Variants in ERC2 observed in about 807,000 individuals in gnomAD.
ERC2 encodes the protein ELKS/RAB6-interacting/CAST family member 2.
Under a neutral mutation model 114.8 loss-of-function variants are expected in ERC2, and 42 were observed. That is an observed-to-expected ratio of 0.37 (90% CI 0.29 to 0.47). ERC2 has a LOEUF of 0.47. Ranked by LOEUF, ERC2 falls within the 20% of genes least tolerant of loss-of-function variation. The pLI, the probability that ERC2 is intolerant of heterozygous loss-of-function variation, is 0.99. For missense variants in ERC2, 939 were observed against 1,150.7 expected (o/e 0.82, Z 2.66); for synonymous variants, 454 against 425.5 (o/e 1.07, Z -0.82).
In ERC2 at chr3:55,938,090, T is replaced by G. The variant is rs182823008; in HGVS notation, c.2403+12335A>C. ...TCCTAGTATGTCTTATGATTAGGTC[T>G]TCATGGTTCTGTCTGTCCATTAGAC... On this transcript the variant is annotated intron_variant, in intron 13 of 17. Transcript: ENST00000288221. 8.7e-4 allele frequency among the ~76,000 whole-genome samples: 131 copies of G among 150,050 alleles called. 1 individual carries two copies. The East Asian group carries it at 0.024, about 27-fold the overall frequency.
intron 13 of ERC2, among the ~76,000 whole-genome samples, chr3:55,934,914 C>T (rs942175922): frequency 4.6e-5 from 7 of 152,086 alleles, no homozygotes; most frequent in East Asian, 3.9e-4. Flanking sequence ...AAAAATCATG[C>T]GGTCTGGGGG....
chr3:55,997,814 T>A (rs1217322455), intron 10 of ERC2, among the ~76,000 whole-genome samples: 1 of 149,908 alleles, frequency 6.7e-6, no homozygotes, highest in Non-Finnish European at 1.5e-5. Flanking sequence ...GCATCATTGC[T>A]GAGCCTAAAT....
At chr3:56,225,741 G>C (rs1384906459) in intron 3 of ERC2, among the ~76,000 whole-genome samples, 1 of 152,132 alleles carries the variant, frequency 6.6e-6, no homozygotes, top group African/African-American at 2.4e-5. Flanking sequence ...ATCAACAACA[G>C]GTGTGTTCCT....
intron 14 of ERC2, among the ~76,000 whole-genome samples, chr3:55,864,491 C>A (rs1400222782): frequency 1.3e-5 from 2 of 152,024 alleles, no homozygotes; most frequent in African/African-American, 2.4e-5. Flanking sequence ...GCAAAGATAA[C>A]AACCACTGTG....
rs144004688 is a variant in ERC2 at position 55,822,997 on chromosome 3, G to A, written c.2564+65392C>T. Among the ~76,000 whole-genome samples, 23 of 152,220 alleles carry A rather than the reference G, an allele frequency of 1.5e-4. No individual in the cohort carries two copies. In the East Asian group the frequency reaches 4.1e-3, roughly 27 times the overall value. ...TTTTCTTCATTCGCCAATCACACAT[G>A]GCTTTGCCAATATCATCTGGGCTAA... On this transcript the variant is annotated intron_variant, in intron 14 of 17. Coordinates refer to ENST00000288221, the MANE Select transcript of ERC2 (RefSeq NM_015576.3).
At chr3:56,258,511 G>A (rs1460494051) in intron 3 of ERC2, among the ~76,000 whole-genome samples, 5 of 152,088 alleles carry the variant, frequency 3.3e-5, no homozygotes, top group Non-Finnish European at 5.9e-5. Flanking sequence ...AAAATTAGCC[G>A]GGCGTGGTGG....
intron 17 of ERC2, among the ~76,000 whole-genome samples, chr3:55,545,309 C>T (rs558539797): frequency 7.2e-5 from 11 of 152,288 alleles, no homozygotes; most frequent in South Asian, 4.1e-4. Context: ...CCTTCTAAGA[C>T]GCAAATCCAA....
At chr3:55,823,215 A>C (rs2060196958) in intron 14 of ERC2, among the ~76,000 whole-genome samples, 1 of 152,186 alleles carries the variant, frequency 6.6e-6, no homozygotes. Context: ...GCACTCACCC[A>C]TCTGAGTGAT....
chr3:55,678,671 G>A (rs1357011199), intron 17 of ERC2, among the ~76,000 whole-genome samples: 3 of 152,166 alleles, frequency 2.0e-5, no homozygotes, highest in Non-Finnish European at 4.4e-5. Flanking sequence ...TTCCCCTGCT[G>A]ATATGCAGGA....
chr3:56,151,962 T>C (rs1290435404), intron 4 of ERC2, among the ~76,000 whole-genome samples: 1 of 152,218 alleles, frequency 6.6e-6, no homozygotes, highest in East Asian at 1.9e-4. Flanking sequence ...TACAAGTTAT[T>C]TATGACTGAT....
At chr3:56,087,007 C>A (rs1429000006) in intron 6 of ERC2, among the ~76,000 whole-genome samples, 1 of 152,082 alleles carries the variant, frequency 6.6e-6, no homozygotes, top group African/African-American at 2.4e-5. Context: ...CATCATTTCC[C>A]AGAAAAACAA....
chr3:56,086,575 G>T (rs1256260093), intron 6 of ERC2, among the ~76,000 whole-genome samples: 2 of 151,488 alleles, frequency 1.3e-5, no homozygotes, highest in African/African-American at 2.4e-5. Context: ...CAGTAAGCAA[G>T]TATGACATCA....
chr3:55,761,364 A>G (rs565877667), intron 14 of ERC2, among the ~76,000 whole-genome samples: 28 of 152,230 alleles, frequency 1.8e-4, no homozygotes, highest in Admixed American at 5.2e-4. Context: ...GTCCTGCTCA[A>G]TATTTGAGAT....
chr3:56,416,748 T>A (rs1195257285), intron 2 of ERC2, among the ~76,000 whole-genome samples: 1 of 151,732 alleles, frequency 6.6e-6, no homozygotes, highest in Non-Finnish European at 1.5e-5. Flanking sequence ...TCAAGACTCC[T>A]TTTAGTACAC....
chr3:55,886,574 G>A (rs528489669), intron 14 of ERC2, among the ~76,000 whole-genome samples: 8 of 152,122 alleles, frequency 5.3e-5, no homozygotes, highest in Non-Finnish European at 1.2e-4. Context: ...TTCATAAATG[G>A]ACTTTCCACT....
intron 2 of ERC2, among the ~76,000 whole-genome samples, chr3:56,352,295 A>C (rs1265356943): frequency 6.6e-6 from 1 of 152,212 alleles, no homozygotes; most frequent in Non-Finnish European, 1.5e-5. Context: ...AGTGAAAAAG[A>C]GGAAACCAAG....
chr3:55,806,801 C>T (rs528564330), intron 14 of ERC2, among the ~76,000 whole-genome samples: 23 of 152,306 alleles, frequency 1.5e-4, no homozygotes, highest in African/African-American at 5.3e-4. Flanking sequence ...AGCTCTACCC[C>T]TAAGTAGCCA....
intron 6 of ERC2, among the ~76,000 whole-genome samples, chr3:56,104,624 A>G (rs1294583044): frequency 9.5e-6 from 1 of 105,820 alleles, no homozygotes; most frequent in African/African-American, 3.5e-5. Flanking sequence ...GACACATTCT[A>G]GATCCTGTAT....
In ERC2 at chr3:55,931,259, C is replaced by A. The variant is rs554577798; in HGVS notation, c.2403+19166G>T. ...CAGCAATCCCATTACTGGGTGTATACCCAAAGGATTATAAATCATTCCACT... is the reference window on the plus strand; with the variant it reads ...CAGCAATCCCATTACTGGGTGTATAACCAAAGGATTATAAATCATTCCACT... On this transcript the variant is annotated intron_variant, in intron 13 of 17. Transcript: ENST00000288221. Among the ~76,000 whole-genome samples, 657 of 152,214 alleles carry A rather than the reference C, an allele frequency of 4.3e-3. 2 individuals carry two copies. The highest frequency in any genetic ancestry group is 6.2e-3 in the Non-Finnish European group (425 of 68,012).
Sources: allele counts gnomAD v4.1 joint callset (sites outside exome capture counted in the v4.1 genomes callset), GRCh38; gene constraint gnomAD v4.1.1; transcripts MANE v1.5; gene names NCBI Gene and HGNC (gene_info 2026-07-23, HGNC 2026-07-21).